Variants in GRIP1 observed in about 807,000 individuals in gnomAD.
GRIP1 encodes glutamate receptor interacting protein 1.
A neutral mutation model predicts 129.9 loss-of-function variants in GRIP1; 45 were observed. That is an observed-to-expected ratio of 0.35 (90% confidence interval 0.27 to 0.44). The LOEUF (loss-of-function observed/expected upper bound fraction) is 0.44, where lower values mean the gene tolerates loss of function less well. GRIP1 is among the 20% of genes least tolerant of loss of function. The pLI is 1.00. For synonymous variants in GRIP1, 530 were observed against 520.8 expected (o/e 1.02, Z -0.24); for missense variants, 1,196 against 1,396.8 (o/e 0.86, Z 2.29).
intron 1 of GRIP1, among the ~76,000 whole-genome samples, chr12:66,952,877 T>C (rs569566120): frequency 2.0e-5 from 3 of 152,342 alleles, no homozygotes; most frequent in South Asian, 2.1e-4. Context: ...TATTCTGTTT[T>C]TAGTCCATTT....
At chr12:66,836,101 C>T (rs958999784) in intron 1 of GRIP1, among the ~76,000 whole-genome samples, 5 of 152,076 alleles carry the variant, frequency 3.3e-5, no homozygotes, top group African/African-American at 9.7e-5. Flanking sequence ...TTGGTAAGGA[C>T]GTAAGGCTCT....
At chr12:66,673,228 G>A (rs1212764234) in intron 1 of GRIP1, among the ~76,000 whole-genome samples, 1 of 152,136 alleles carries the variant, frequency 6.6e-6, no homozygotes, top group African/African-American at 2.4e-5. Context: ...GGATAATGAC[G>A]ATAATATTGC....
At chr12:66,578,912 T>C (rs1431059788) in intron 2 of GRIP1, among the ~76,000 whole-genome samples, 2 of 152,144 alleles carry the variant, frequency 1.3e-5, no homozygotes, top group Non-Finnish European at 2.9e-5. Context: ...GCAGTGGTTC[T>C]CCCAGCACGC....
At chr12:66,615,624 T>C (rs2065006544) in intron 1 of GRIP1, among the ~76,000 whole-genome samples, 1 of 152,176 alleles carries the variant, frequency 6.6e-6, no homozygotes, top group African/African-American at 2.4e-5. Flanking sequence ...TCCTAATAAA[T>C]GGCAAACTTT....
At chr12:66,907,384 T>C (rs1166693854) in intron 1 of GRIP1, among the ~76,000 whole-genome samples, 2 of 152,172 alleles carry the variant, frequency 1.3e-5, no homozygotes, top group African/African-American at 2.4e-5. Flanking sequence ...AAGACATAAA[T>C]GGCCTCTGCT....
chr12:66,521,455 G>A (rs7964266), intron 5 of GRIP1, among the ~76,000 whole-genome samples: 70,291 of 152,126 alleles, frequency 0.46, 16,550 homozygotes, highest in African/African-American at 0.54. Flanking sequence ...TTACTCTGGT[G>A]AAGTATAAAA....
intron 15 of GRIP1, among the ~76,000 whole-genome samples, chr12:66,420,416 T>TTG (rs386376813): frequency 1.3e-4 from 6 of 46,438 alleles, no homozygotes; most frequent in Non-Finnish European, 4.0e-5. Flanking sequence ...ACTTTCAGGG[T>TTG]TTTTTTTTTT....
chr12:66,460,299 C>A (rs12372784), intron 9 of GRIP1, among the ~76,000 whole-genome samples: 22,235 of 152,194 alleles, frequency 0.15, 1,688 homozygotes, highest in Non-Finnish European at 0.18. Context: ...GTCACTACTG[C>A]AGTCTCAAGA....
At chr12:66,842,307 T>TAGAATA (rs1566047414) in intron 1 of GRIP1, among the ~76,000 whole-genome samples, 1 of 151,904 alleles carries the variant, frequency 6.6e-6, no homozygotes, top group Admixed American at 6.6e-5. Context: ...ATATACAATA[T>TAGAATA]AGAATAAATG....
intron 7 of GRIP1, among the ~76,000 whole-genome samples, chr12:66,488,848 T>C (rs926018536): frequency 3.9e-5 from 6 of 152,076 alleles, no homozygotes; most frequent in African/African-American, 1.4e-4. Flanking sequence ...AACACCTCTA[T>C]GCACACAAAC....
chr12:66,766,834 C>A (rs2136698302), intron 1 of GRIP1, among the ~76,000 whole-genome samples: 1 of 152,282 alleles, frequency 6.6e-6, no homozygotes, highest in South Asian at 2.1e-4. Flanking sequence ...AGTGTTGACA[C>A]AAACATATTC....
chr12:66,628,465 A>C (rs925806880), intron 1 of GRIP1, among the ~76,000 whole-genome samples: 2 of 151,890 alleles, frequency 1.3e-5, no homozygotes, highest in Admixed American at 6.6e-5. Context: ...TCCTTTTCTC[A>C]TTTTCCCTCC....
chr12:66,723,201 C>CT (rs1424277861), intron 1 of GRIP1, among the ~76,000 whole-genome samples: 2 of 79,862 alleles, frequency 2.5e-5, no homozygotes, highest in African/African-American at 1.1e-4. Context: ...TTTTCATCTT[C>CT]TTTTCTTTCT....
intron 1 of GRIP1, among the ~76,000 whole-genome samples, chr12:66,838,435 G>C (rs1446671924): frequency 1.3e-5 from 2 of 152,168 alleles, no homozygotes; most frequent in East Asian, 3.9e-4. Context: ...GGAACATCAA[G>C]ATTACACTAA....
At position 66,371,912 on chromosome 12, in the gene GRIP1, C is replaced by T; in HGVS notation, c.2794G>A (p.Gly932Arg). Residue 932 changes from glycine (G) to arginine (R), a missense_variant, in exon 23 of 25, where the codon GGG becomes AGG. This residue lies in a region of GRIP1 where 427 missense variants were observed against 463.3 expected (regional missense o/e 0.92). Coordinates refer to ENST00000359742, the MANE Select transcript of GRIP1 (RefSeq NM_001366722.1). ...TCATGATTCAAACTCATCGTGCTCC[C>T]CGACATGATTGTTGCCTGTGGCATT... is the stretch of plus-strand genomic sequence containing the variant. ...NMTLLATIMS[G>R]STMSLNHEAP... The T allele has an allele frequency of 6.2e-7, 1 of 1,609,774 alleles. No homozygotes were observed. Among genetic ancestry groups the T allele is most frequent in the Non-Finnish European group, 8.5e-7 (1 of 1,178,120 alleles).
intron 1 of GRIP1, among the ~76,000 whole-genome samples, chr12:66,719,512 T>C (rs778862565): frequency 5.3e-5 from 8 of 152,170 alleles, no homozygotes; most frequent in Non-Finnish European, 1.0e-4. Context: ...TGAGATAGTA[T>C]CACATTTCAA....
intron 1 of GRIP1, among the ~76,000 whole-genome samples, chr12:66,655,745 G>A (rs570929274): frequency 3.5e-4 from 53 of 151,990 alleles, no homozygotes; most frequent in African/African-American, 1.2e-3. Context: ...GAGTAGCTGG[G>A]ACTACAGGTA....
rs781712796 is a variant in GRIP1 at position 66,371,707 on chromosome 12, A to G, written c.2999T>C (p.Val1000Ala). ...EIKEIMSPTP[V>A]ELHKVTLYKD... is the part of the protein sequence containing the mutation. ...AAGCTTACTGACCTTGTGCAGCTCC[A>G]CAGGAGTTGGAGACATGATCTCCTT... The change falls in exon 23 of 25, where the codon GTG (valine) becomes GCG (alanine). Residue 1000 changes from valine to alanine, a missense_variant. Around this residue, in one of 5 missense-constraint regions of GRIP1, gnomAD observed 427 missense variants for 463.3 expected, o/e 0.92. Transcript: ENST00000359742. 1 of 1,609,304 alleles carries G rather than the reference A, an allele frequency of 6.2e-7. No individual in the cohort carries two copies. The highest frequency in any genetic ancestry group is 8.5e-7 in the Non-Finnish European group (1 of 1,175,560).
chr12:66,421,358 A>G (rs2057795937), intron 14 of GRIP1, among the ~76,000 whole-genome samples: 1 of 152,182 alleles, frequency 6.6e-6, no homozygotes, highest in Non-Finnish European at 1.5e-5. Flanking sequence ...AGCTTGACCA[A>G]CATGGTGAAA....
Sources: allele counts gnomAD v4.1 joint callset (sites outside exome capture counted in the v4.1 genomes callset), GRCh38; gene constraint gnomAD v4.1.1; regional missense constraint gnomAD v4.1.1; transcripts MANE v1.5; gene names NCBI Gene and HGNC (gene_info 2026-07-23, HGNC 2026-07-21).